GNA12: variants seen among roughly 807,000 people sequenced by gnomAD.
GNA12 encodes the protein guanine nucleotide-binding protein subunit alpha-12.
GNA12 carries 9 observed loss-of-function variants against 26.0 expected under a neutral mutation model. The ratio of observed to expected loss-of-function variants is 0.35; its 90% CI spans 0.21 to 0.60. The LOEUF (loss-of-function observed/expected upper bound fraction) is 0.60, where lower values mean the gene tolerates loss of function less well. Among genes scored for constraint, GNA12 ranks in the 20% least tolerant of loss-of-function variants. GNA12 has a pLI of 0.78. For synonymous variants in GNA12, 264 were observed against 219.6 expected, an observed-to-expected ratio of 1.20 and a Z score of -1.79; for missense variants, 405 against 525.8, an observed-to-expected ratio of 0.77 and a Z score of 2.25.
chr7:2,806,457 C>CAAAAAAAAAAAAAAAAAAAAAAA (rs34036056), intron 1 of GNA12, among the ~76,000 whole-genome samples: 3 of 80,710 alleles, frequency 3.7e-5, no homozygotes, highest in African/African-American at 9.9e-5. Flanking sequence ...GACTCTGTCT[C>CAAAAAAAAAAAAAAAAAAAAAAA]AAAAAAAAAA....
rs1455364596 is a variant in GNA12 at position 2,728,562 on chromosome 7, T to C, written c.*2619A>G. 6.6e-6 allele frequency: 1 copy of C among 152,562 alleles called. No homozygotes were observed. Among genetic ancestry groups the C allele is most frequent in the African/African-American group, 2.4e-5 (1 of 41,438 alleles). 9.5% of individuals were successfully genotyped at this position (152,562 alleles called of 1,614,324 possible). The stretch of plus-strand genomic sequence containing the variant: ...GTATAGCTATGAGGAACAGATCTTA[T>C]TTTGAGGAACTTTATTGTTACATTT... On this transcript the variant is annotated 3_prime_UTR_variant, in exon 4 of 4. Transcript: ENST00000275364.
intron 1 of GNA12, among the ~76,000 whole-genome samples, chr7:2,810,081 C>G (rs1180712052): frequency 6.6e-6 from 1 of 152,168 alleles, no homozygotes; most frequent in Non-Finnish European, 1.5e-5. Flanking sequence ...TTAAGAAGTA[C>G]GCAGCTGAAT....
intron 1 of GNA12, among the ~76,000 whole-genome samples, chr7:2,796,789 A>C (rs540304389): frequency 1.4e-3 from 219 of 152,372 alleles, no homozygotes; most frequent in Admixed American, 3.2e-3. Context: ...GAAATAACTA[A>C]CATAGTATTA....
intron 2 of GNA12, among the ~76,000 whole-genome samples, chr7:2,793,395 A>T (rs1792570640): frequency 6.6e-6 from 1 of 151,552 alleles, no homozygotes; most frequent in South Asian, 2.1e-4. Context: ...CAAGGTCTAC[A>T]GTTAATTGAT....
At chr7:2,842,799 A>C (rs1779036107) in intron 1 of GNA12, among the ~76,000 whole-genome samples, 1 of 152,202 alleles carries the variant, frequency 6.6e-6, no homozygotes, top group African/African-American at 2.4e-5. Context: ...TTGTGTTTTT[A>C]CATGGAGGCC....
chr7:2,740,991 G>C (rs1790470069), intron 2 of GNA12, among the ~76,000 whole-genome samples: 1 of 152,246 alleles, frequency 6.6e-6, no homozygotes, highest in African/African-American at 2.4e-5. Context: ...CTTGCAGTGA[G>C]CTGAGATCGG....
Position 2,795,599 on chromosome 7 carries a change from G to C in GNA12, c.310-456C>G, listed in dbSNP as rs867434590. Among the ~76,000 whole-genome samples the C allele has an allele frequency of 5.6e-4, 84 of 149,726 alleles. No homozygotes were observed. The Middle Eastern group carries it at 0.01, about 18-fold the overall frequency. ...TCTATGATTGCTGCACTATATTCTA[G>C]GCTGGGCAACAGAGCAAGACCCTGT... On this transcript the variant is annotated intron_variant, in intron 1 of 3. Transcript: ENST00000275364.
Position 2,731,678 on chromosome 7 carries a change from C to G in GNA12, c.649G>C (p.Val217Leu). Residue 217 changes from valine to leucine, a missense_variant, in exon 4 of 4, where the codon GTT (valine) becomes CTT (leucine). Transcript: ENST00000275364. This position sits in a 1 kb window ranked among gnomAD's most constrained non-coding sequence, Gnocchi z 6.0. ...ATKGIVEHDF[V>L]IKKIPFKMVD... ...ATCTTAAAGGGGATCTTCTTAATAA[C>G]GAAGTCATGCTCCACAATTCCCTTG... 2 of 1,608,054 alleles carry G rather than the reference C, an allele frequency of 1.2e-6. No homozygotes were observed. The highest frequency in any genetic ancestry group is 1.7e-6 in the Non-Finnish European group (2 of 1,176,928).
intron 1 of GNA12, among the ~76,000 whole-genome samples, chr7:2,810,618 C>G (rs1022570163): frequency 3.3e-4 from 50 of 152,096 alleles, no homozygotes; most frequent in African/African-American, 1.2e-3. Context: ...GAGAAAAGTC[C>G]GGGCACAGTG....
intron 2 of GNA12, among the ~76,000 whole-genome samples, chr7:2,769,334 T>C (rs1176543388): frequency 6.6e-6 from 1 of 152,204 alleles, no homozygotes; most frequent in African/African-American, 2.4e-5. Flanking sequence ...GCAGAAACCA[T>C]CCTCATGCAC....
chr7:2,826,952 T>C (rs1185742545), intron 1 of GNA12, among the ~76,000 whole-genome samples: 1 of 152,206 alleles, frequency 6.6e-6, no homozygotes, highest in African/African-American at 2.4e-5. Flanking sequence ...AATATATTCA[T>C]ATTCACTCAC....
chr7:2,764,695 T>A (rs1791731242), intron 2 of GNA12: 2 of 152,182 alleles, frequency 1.3e-5, no homozygotes, highest in South Asian at 4.1e-4. Context: ...TTTGCTTTAT[T>A]TCTCTGTAAA....
chr7:2,800,609 G>A (rs188493973), intron 1 of GNA12, among the ~76,000 whole-genome samples: 1 of 152,310 alleles, frequency 6.6e-6, no homozygotes, highest in South Asian at 2.1e-4. Context: ...AGCGACCACG[G>A]CAATGTAAGT....
At chr7:2,843,135 T>C (rs1334616740) in intron 1 of GNA12, among the ~76,000 whole-genome samples, 1 of 151,522 alleles carries the variant, frequency 6.6e-6, no homozygotes, top group African/African-American at 2.4e-5. Context: ...AAGAGACTCA[T>C]GGCTGGTTCC....
chr7:2,744,689 G>A (rs1163762676), intron 2 of GNA12, among the ~76,000 whole-genome samples: 2 of 152,178 alleles, frequency 1.3e-5, no homozygotes, highest in African/African-American at 4.8e-5. Flanking sequence ...GACGAGTTGA[G>A]AAAAGAAGGC....
At chr7:2,789,652 C>A (rs1436192833) in intron 2 of GNA12, among the ~76,000 whole-genome samples, 2 of 152,202 alleles carry the variant, frequency 1.3e-5, no homozygotes, top group East Asian at 3.9e-4. Context: ...CCACCCACTG[C>A]TCCAGTTAGG....
intron 2 of GNA12, among the ~76,000 whole-genome samples, chr7:2,782,259 A>T (rs1049439526): frequency 6.6e-6 from 1 of 152,214 alleles, no homozygotes; most frequent in Non-Finnish European, 1.5e-5. Flanking sequence ...TAGCTTTGAC[A>T]CCAAAAGTGA....
chr7:2,834,574 C>T (rs1055362736), intron 1 of GNA12, among the ~76,000 whole-genome samples: 1 of 152,198 alleles, frequency 6.6e-6, no homozygotes, highest in Non-Finnish European at 1.5e-5. Flanking sequence ...TCAGTGGCAA[C>T]AAGAGACCAC....
intron 1 of GNA12, among the ~76,000 whole-genome samples, chr7:2,803,035 C>T (rs1468082792): frequency 6.6e-6 from 1 of 152,228 alleles, no homozygotes; most frequent in East Asian, 1.9e-4. Flanking sequence ...CCCCTCTTGG[C>T]TCTGCCAGTG....
Sources: allele counts gnomAD v4.1 joint callset (sites outside exome capture counted in the v4.1 genomes callset), GRCh38; gene constraint gnomAD v4.1.1; non-coding constraint Gnocchi (gnomAD v3.1); transcripts MANE v1.5; gene names NCBI Gene and HGNC (gene_info 2026-07-23, HGNC 2026-07-21).